The following KIF1B variants were observed in gnomAD, a reference collection of about 807,000 sequenced individuals.
KIF1B encodes the protein kinesin family member 1B, also known as kinesin-like protein KIF1B.
Under a neutral mutation model 241.9 loss-of-function variants are expected in KIF1B, and 76 were observed. That is an observed-to-expected ratio of 0.31 (90% CI 0.26 to 0.38). The LOEUF is 0.38. KIF1B is among the 10% of genes least tolerant of loss of function. The pLI, the probability that KIF1B is intolerant of heterozygous loss-of-function variation, is 1.00. For missense variants in KIF1B, 1,622 were observed against 2,271.4 expected, an observed-to-expected ratio of 0.71 and a Z score of 5.81; for synonymous variants, 750 against 796.7, an observed-to-expected ratio of 0.94 and a Z score of 0.99.
intron 2 of KIF1B, among the ~76,000 whole-genome samples, chr1:10,247,627 TCTG>T (rs1282334303): frequency 6.6e-6 from 1 of 152,230 alleles, no homozygotes; most frequent in Non-Finnish European, 1.5e-5. Flanking sequence ...AAATGACAGT[TCTG>T]TATAGTTAGG....
chr1:10,217,092 G>A (rs1646779015), intron 1 of KIF1B, among the ~76,000 whole-genome samples: 1 of 143,430 alleles, frequency 7.0e-6, no homozygotes, highest in South Asian at 2.3e-4. Context: ...TCCTGCCTCA[G>A]CCTCCCAAGT....
At chr1:10,251,354 A>T (rs1235042807) in intron 2 of KIF1B, among the ~76,000 whole-genome samples, 1 of 151,010 alleles carries the variant, frequency 6.6e-6, no homozygotes, top group Non-Finnish European at 1.5e-5. Context: ...TTTACTAAGG[A>T]AAAGAGAACA....
chr1:10,224,795 C>A (rs966877211), intron 1 of KIF1B, among the ~76,000 whole-genome samples: 7 of 151,438 alleles, frequency 4.6e-5, no homozygotes, highest in African/African-American at 1.7e-4. Flanking sequence ...GGAATTCAAC[C>A]AAAAAAAATA....
chr1:10,376,997 C>T lies in KIF1B; in HGVS notation c.*410C>T. On this transcript the variant is annotated 3_prime_UTR_variant, in exon 49 of 49. Transcript: ENST00000676179. ...CCTCTGATGTCTGTGCTGCTGTCAC[C>T]AGGCACCTTTGTTTTTCAAGACAAC... is the stretch of plus-strand genomic sequence containing the variant. The T allele has an allele frequency of 3.7e-6, 1 of 270,756 alleles. No individual in the cohort carries two copies. The highest frequency in any genetic ancestry group is 7.2e-6 in the Non-Finnish European group (1 of 137,950). 16.8% of individuals were successfully genotyped at this position (270,756 alleles called of 1,614,324 possible).
At chr1:10,360,065 A>G (rs918276183) in intron 38 of KIF1B, among the ~76,000 whole-genome samples, 5 of 151,994 alleles carry the variant, frequency 3.3e-5, no homozygotes, top group African/African-American at 7.2e-5. Context: ...ATAATAAAAT[A>G]AAATAAAATA....
chr1:10,324,306 A>C (rs1651640140), intron 25 of KIF1B, among the ~76,000 whole-genome samples: 1 of 152,174 alleles, frequency 6.6e-6, no homozygotes, highest in Non-Finnish European at 1.5e-5. Flanking sequence ...CCCTCTTATA[A>C]ATTTTAAATA....
intron 45 of KIF1B, among the ~76,000 whole-genome samples, chr1:10,371,555 A>T (rs770773990): frequency 5.3e-5 from 8 of 152,204 alleles, no homozygotes; most frequent in Non-Finnish European, 1.2e-4. Context: ...CCCCAGTCAT[A>T]ATACCAGACA....
Position 10,376,645 on chromosome 1 carries a change from AT to A in KIF1B, c.*61del. The A allele has an allele frequency of 6.6e-7, 1 of 1,509,358 alleles. No individual in the cohort carries two copies. Among genetic ancestry groups the A allele is most frequent in the Non-Finnish European group, 9.2e-7 (1 of 1,085,048 alleles). The allele number at this position is 1,509,358 out of a possible 1,614,324, so 93.5% of individuals were successfully genotyped here. ...AGAGATAAAGAAAGCGTTACCTCTCATTTCTCTTTGTGATTCTTGACGGTGA... is the reference window on the plus strand; with the variant it reads ...AGAGATAAAGAAAGCGTTACCTCTCATTCTCTTTGTGATTCTTGACGGTGA... On this transcript the variant is annotated 3_prime_UTR_variant, in exon 49 of 49. Transcript: ENST00000676179.
At position 10,326,172 on chromosome 1, in the gene KIF1B, T is replaced by G. The variant is rs1651715178; in HGVS notation, c.2737T>G (p.Phe913Val). 6.2e-7 allele frequency: 1 copy of G among 1,613,932 alleles called. No homozygotes were observed. The highest frequency in any genetic ancestry group is 1.7e-5 in the Admixed American group (1 of 59,976). The stretch of plus-strand genomic sequence containing the variant: ...TGCCGACCGCACACCCTCCCCCACT[T>G]TTTCCACGGCCGATTCCGACATCAC... The part of the protein sequence containing the change: ...RLADRTPSPT[F>V]STADSDITEL... Residue 913 changes from phenylalanine (F) to valine (V), a missense_variant, in exon 27 of 49, where the codon TTT becomes GTT. Phe to Val is a conservative substitution (Grantham distance 50). This residue lies in a region of KIF1B where 803 missense variants were observed against 1,112.0 expected (regional missense o/e 0.72). Coordinates refer to ENST00000676179, the MANE Select transcript of KIF1B (RefSeq NM_001365951.3). The surrounding 1 kb of genome is among the most constrained non-coding windows in gnomAD (Gnocchi z 5.2).
At chr1:10,349,820 C>T (rs555074822) in intron 37 of KIF1B, among the ~76,000 whole-genome samples, 3 of 152,036 alleles carry the variant, frequency 2.0e-5, no homozygotes, top group East Asian at 3.9e-4. Context: ...TTGGCAGTAA[C>T]GAAGCCTTAG....
At position 10,324,902 on chromosome 1, in the gene KIF1B, G is replaced by A; in HGVS notation, c.2675+7G>A. The A allele has an allele frequency of 6.2e-7, 1 of 1,613,882 alleles. No individual in the cohort carries two copies. Among genetic ancestry groups the A allele is most frequent in the Non-Finnish European group, 8.5e-7 (1 of 1,179,952 alleles). Reference sequence around the variant, plus strand: ...GGTTCAAACTTGTGGGGAGGTATGTGATGATTTTGTTGATGTCTTCTTTTA... The same window carrying A: ...GGTTCAAACTTGTGGGGAGGTATGTAATGATTTTGTTGATGTCTTCTTTTA... On this transcript the variant is annotated splice_region_variant and intron_variant, in intron 26 of 48. Transcript: ENST00000676179.
chr1:10,368,384 G>A lies in KIF1B; in HGVS notation c.4753-83G>A. 25 of 1,139,502 alleles carry A rather than the reference G, an allele frequency of 2.2e-5. 1 individual carries two copies. The South Asian group carries it at 3.1e-4, about 14-fold the overall frequency. 70.6% of individuals were successfully genotyped at this position (1,139,502 alleles called of 1,614,324 possible). On this transcript the variant is annotated intron_variant, in intron 43 of 48. Coordinates refer to ENST00000676179, the MANE Select transcript of KIF1B (RefSeq NM_001365951.3). Reference sequence around the variant, plus strand: ...CCTCCCCGGGAACTCAGCCCTTCAGGAGCCTCCACGTGGTCAGCTATCCCA... The same window carrying A: ...CCTCCCCGGGAACTCAGCCCTTCAGAAGCCTCCACGTGGTCAGCTATCCCA...
At position 10,380,913 on chromosome 1, in the gene KIF1B, C is replaced by CAA; in HGVS notation, c.*4326_*4327insAA. ...ATATCAGCTGAGAGATTATTTGCTG[C>CAA]TGTTATTCAAAAGGCCATTTATGAA... On this transcript the variant is annotated 3_prime_UTR_variant, in exon 49 of 49. Coordinates refer to ENST00000676179, the MANE Select transcript of KIF1B (RefSeq NM_001365951.3). 4.6e-6 allele frequency: 1 copy of CAA among 219,150 alleles called. No individual in the cohort carries two copies. Among genetic ancestry groups the CAA allele is most frequent in the East Asian group, 6.7e-5 (1 of 14,838 alleles). The allele number at this position is 219,150 out of a possible 1,614,324, so 13.6% of individuals were successfully genotyped here. A position where few individuals can be genotyped will look rare whatever the true frequency, so the allele number is the denominator to read the frequency against.
chr1:10,353,538 G>T (rs1652872802), intron 38 of KIF1B, among the ~76,000 whole-genome samples: 1 of 152,082 alleles, frequency 6.6e-6, no homozygotes, highest in South Asian at 2.1e-4. Flanking sequence ...TTCTAATGTG[G>T]GCTGAGCACA....
At chr1:10,348,571 C>A in intron 36 of KIF1B, 78 bp from the exon 37 acceptor site, 1 of 1,049,930 alleles carries the variant, frequency 9.5e-7, no homozygotes. Context: ...CATGCCATGC[C>A]ATACAGGCCA....
rs766475937 is a variant in KIF1B, at chr1:10,368,493, C to G, written c.4779C>G (p.Phe1593Leu). The G allele has an allele frequency of 2.0e-5, 33 of 1,613,946 alleles. No homozygotes were observed. Among genetic ancestry groups the G allele is most frequent in the Non-Finnish European group, 2.5e-5 (30 of 1,179,968 alleles). Residue 1593 changes from phenylalanine (F) to leucine (L), a missense_variant, in exon 44 of 49, where the codon TTC (phenylalanine) becomes TTG (leucine). Phe to Leu is a conservative substitution (Grantham distance 22). Around this residue, in one of 7 missense-constraint regions of KIF1B, gnomAD observed 357 missense variants for 409.0 expected, o/e 0.87. Coordinates refer to ENST00000676179, the MANE Select transcript of KIF1B (RefSeq NM_001365951.3). ...TKCLQLLTHT[F>L]NREFSQVHGS... Reference sequence around the variant, plus strand: ...GCCTGCAACTTCTCACCCACACTTTCAACAGAGAATTCAGCCAGGTGCACG... The same window carrying G: ...GCCTGCAACTTCTCACCCACACTTTGAACAGAGAATTCAGCCAGGTGCACG...
chr1:10,338,264 C>A (rs1652257316), intron 31 of KIF1B, among the ~76,000 whole-genome samples: 1 of 152,124 alleles, frequency 6.6e-6, no homozygotes, highest in African/African-American at 2.4e-5. Flanking sequence ...TCTGCCATCC[C>A]TCTCCCCTCA....
rs779473426 is a variant in KIF1B at position 10,323,867 on chromosome 1, T to C, written c.2359-17T>C. On this transcript the variant is annotated splice_polypyrimidine_tract_variant and intron_variant, in intron 24 of 48. Coordinates refer to ENST00000676179, the MANE Select transcript of KIF1B (RefSeq NM_001365951.3). ...TTGCTGAAAACCATTTGTCAATGGT[T>C]TATTCTTTCTATTCAGGTGCAGTTT... 6 of 1,610,818 alleles carry C rather than the reference T, an allele frequency of 3.7e-6. No individual in the cohort carries two copies. In the East Asian group the frequency reaches 1.3e-4, roughly 36 times the overall value.
intron 12 of KIF1B, among the ~76,000 whole-genome samples, 182 bp downstream of exon 12, chr1:10,276,581 T>C (rs1275964857): frequency 1.3e-5 from 2 of 152,240 alleles, no homozygotes; most frequent in Admixed American, 1.3e-4. Flanking sequence ...TACCTCTTTA[T>C]GGTTTTCAGT....
Sources: allele counts gnomAD v4.1 joint callset (sites outside exome capture counted in the v4.1 genomes callset), GRCh38; gene constraint gnomAD v4.1.1; regional missense constraint gnomAD v4.1.1; non-coding constraint Gnocchi (gnomAD v3.1); transcripts MANE v1.5; gene names NCBI Gene and HGNC (gene_info 2026-07-23, HGNC 2026-07-21).